Variants in SUCLG2 observed in about 807,000 individuals in gnomAD.
SUCLG2 encodes the protein succinate--CoA ligase [GDP-forming] subunit beta, mitochondrial.
In SUCLG2, 42 loss-of-function variants were observed where a neutral mutation model predicts 47.9. The observed-to-expected ratio is 0.88, with a 90% CI of 0.69 to 1.14. The LOEUF is 1.14. Ranked by LOEUF, SUCLG2 falls within the 50% of genes most tolerant of loss-of-function variation. The pLI is 0.00. For missense variants in SUCLG2, 571 were observed against 525.9 expected (o/e 1.09, Z -0.84); for synonymous variants, 195 against 197.3 (o/e 0.99, Z 0.10).
At chr3:67,392,249 G>A (rs1702405198) in intron 10 of SUCLG2, among the ~76,000 whole-genome samples, 1 of 151,938 alleles carries the variant, frequency 6.6e-6, no homozygotes, top group Non-Finnish European at 1.5e-5. Context: ...CTTATCACTC[G>A]CATCCTCTCC....
At chr3:67,425,029 C>A (rs1263587665) in intron 9 of SUCLG2, among the ~76,000 whole-genome samples, 1 of 152,072 alleles carries the variant, frequency 6.6e-6, no homozygotes, top group Non-Finnish European at 1.5e-5. Context: ...ATCGCCTCCC[C>A]TTCCCCCACA....
At chr3:67,614,698 T>C (rs982378035) in intron 1 of SUCLG2, among the ~76,000 whole-genome samples, 25 of 152,040 alleles carry the variant, frequency 1.6e-4, no homozygotes, top group African/African-American at 6.0e-4. Flanking sequence ...ACTGGAGAAG[T>C]TTCCCAGTTA....
chr3:67,566,217 G>A (rs187466483), intron 2 of SUCLG2, among the ~76,000 whole-genome samples: 8 of 152,242 alleles, frequency 5.3e-5, no homozygotes, highest in Non-Finnish European at 1.0e-4. Context: ...ACCTCACAAA[G>A]TTATATTTTT....
Position 67,363,544 on chromosome 3 carries a change from TC to T in SUCLG2, c.1184-2777del, listed in dbSNP as rs540697512. Among the ~76,000 whole-genome samples, 3 of 152,206 alleles carry T rather than the reference TC, an allele frequency of 2.0e-5. No individual in the cohort carries two copies. The South Asian group carries it at 6.2e-4, about 32-fold the overall frequency. ...TTATATAAGGCTACACATAGTGCAATCTTAAATAATAAAACAAATCTATCCA... is the reference window on the plus strand; with the variant it reads ...TTATATAAGGCTACACATAGTGCAATTTAAATAATAAAACAAATCTATCCA... On this transcript the variant is annotated intron_variant, in intron 10 of 10. Coordinates refer to the SUCLG2 transcript ENST00000493112.
At chr3:67,645,144 G>A (rs549072037) in intron 1 of SUCLG2, among the ~76,000 whole-genome samples, 11 of 151,986 alleles carry the variant, frequency 7.2e-5, no homozygotes, top group Admixed American at 6.6e-5. Context: ...TTAACATAAA[G>A]AAAATTTAGT....
chr3:67,632,176 G>T (rs1203019850), intron 1 of SUCLG2, among the ~76,000 whole-genome samples: 1 of 151,956 alleles, frequency 6.6e-6, no homozygotes, highest in Non-Finnish European at 1.5e-5. Flanking sequence ...AATTCTACAG[G>T]GAAAATCCAG....
At chr3:67,494,686 C>T (rs1168372868) in intron 9 of SUCLG2, among the ~76,000 whole-genome samples, 5 of 152,042 alleles carry the variant, frequency 3.3e-5, no homozygotes, top group East Asian at 1.9e-4. Flanking sequence ...GTGGCATATA[C>T]GTACTTCACA....
intron 2 of SUCLG2, among the ~76,000 whole-genome samples, chr3:67,586,728 C>T (rs1394014494): frequency 6.6e-6 from 1 of 152,186 alleles, no homozygotes; most frequent in African/African-American, 2.4e-5. Flanking sequence ...TGGTTAGGAA[C>T]ACAGACTGGG....
chr3:67,520,147 A>G lies in SUCLG2; in HGVS notation c.570+335T>C, dbSNP rs570527255. Among the ~76,000 whole-genome samples, 9 of 152,340 alleles carry G rather than the reference A, an allele frequency of 5.9e-5. No homozygotes were observed. In the South Asian group the frequency reaches 1.9e-3, roughly 32 times the overall value. On this transcript the variant is annotated intron_variant, in intron 5 of 10. Coordinates refer to ENST00000307227, the MANE Select transcript of SUCLG2 (RefSeq NM_003848.4). ...GATCATATATAATATTAAATGAAAG[A>G]GAGTTAACCATAAGAAATGAAAATA...
chr3:67,622,342 A>G (rs35232329), intron 1 of SUCLG2, among the ~76,000 whole-genome samples: 69,367 of 152,100 alleles, frequency 0.46, 16,724 homozygotes, highest in African/African-American at 0.61. Flanking sequence ...ATACATACAT[A>G]GATATATCAA....
intron 2 of SUCLG2, among the ~76,000 whole-genome samples, chr3:67,577,054 G>A (rs1479557855): frequency 6.6e-6 from 1 of 152,164 alleles, no homozygotes; most frequent in Non-Finnish European, 1.5e-5. Context: ...TGAAGTGCTG[G>A]CCAGGTGCAG....
chr3:67,573,857 G>A (rs1256230648), intron 2 of SUCLG2, among the ~76,000 whole-genome samples: 3 of 152,046 alleles, frequency 2.0e-5, no homozygotes, highest in African/African-American at 4.8e-5. Context: ...TTTTGTGGCT[G>A]TGGGACAAAG....
chr3:67,579,944 G>A (rs1283185116), intron 2 of SUCLG2, among the ~76,000 whole-genome samples: 1 of 152,076 alleles, frequency 6.6e-6, no homozygotes, highest in Non-Finnish European at 1.5e-5. Context: ...AGTCACAGAT[G>A]TCAGTCAGTA....
chr3:67,439,327 C>A (rs1703700902), intron 9 of SUCLG2, among the ~76,000 whole-genome samples: 2 of 152,130 alleles, frequency 1.3e-5, no homozygotes, highest in South Asian at 2.1e-4. Flanking sequence ...AAAATTGGCA[C>A]AAGACAAGGA....
intron 1 of SUCLG2, among the ~76,000 whole-genome samples, chr3:67,642,788 T>C (rs12492257): frequency 1 from 152,340 of 152,340 alleles, 76,170 homozygotes; most frequent in Non-Finnish European, 1. Context: ...ATGTGCTTCA[T>C]TTCAGGTTAT....
intron 10 of SUCLG2, chr3:67,376,344 G>C (rs1386767810): frequency 1.0e-6 from 1 of 985,238 alleles, no homozygotes; most frequent in Non-Finnish European, 1.2e-6. Flanking sequence ...AAATGAAATG[G>C]GCTGAGCCCT....
At chr3:67,625,456 A>G (rs1700809991) in intron 1 of SUCLG2, among the ~76,000 whole-genome samples, 1 of 152,184 alleles carries the variant, frequency 6.6e-6, no homozygotes, top group South Asian at 2.1e-4. Flanking sequence ...ATTTGGTTCT[A>G]TGACCTTCCA....
rs116315106 is a variant in SUCLG2, at chr3:67,438,097, C to T, written c.1063-37246G>A. ...AAACTCACTCAAAACCACGCAACTA[C>T]GTGGAAACTGAACAACCTGTTCATA... On this transcript the variant is annotated intron_variant, in intron 9 of 10. Transcript: ENST00000307227. Among the ~76,000 whole-genome samples the T allele has an allele frequency of 4.8e-3, 724 of 152,252 alleles. 9 individuals are homozygous for T. Among genetic ancestry groups the T allele is most frequent in the Middle Eastern group, 6.8e-3 (2 of 294 alleles).
At chr3:67,456,506 T>C (rs1164544327) in intron 9 of SUCLG2, among the ~76,000 whole-genome samples, 1 of 152,106 alleles carries the variant, frequency 6.6e-6, no homozygotes, top group Non-Finnish European at 1.5e-5. Flanking sequence ...TAGCTGATAA[T>C]AGGAACAGAG....
Sources: gnomAD v4.1 joint callset for allele counts (sites outside exome capture counted in the v4.1 genomes callset) on GRCh38, gnomAD v4.1.1 for gene constraint, MANE v1.5 for transcripts, NCBI Gene and HGNC (gene_info 2026-07-23, HGNC 2026-07-21) for gene names.